LNP1: variants seen among roughly 807,000 people sequenced by gnomAD.
The protein encoded by LNP1 is leukemia NUP98 fusion partner 1.
In LNP1, 12 loss-of-function variants were observed where a neutral mutation model predicts 14.5. That is an observed-to-expected ratio of 0.83 (90% CI 0.53 to 1.34). LNP1 has a LOEUF of 1.34. Among genes scored for constraint, LNP1 ranks in the 40% most tolerant of loss-of-function variants. LNP1 has a pLI of 0.00. For synonymous variants in LNP1, 75 were observed against 71.4 expected (o/e 1.05, Z -0.26); for missense variants, 198 against 210.9 (o/e 0.94, Z 0.38).
At chr3:100,415,905 A>G (rs1365048851) in intron 1 of LNP1, among the ~76,000 whole-genome samples, 4 of 152,200 alleles carry the variant, frequency 2.6e-5, no homozygotes, top group Admixed American at 2.6e-4. Context: ...ACTATCAACA[A>G]TAGTTTACTT....
chr3:100,413,060 C>T (rs1487277763), intron 1 of LNP1, among the ~76,000 whole-genome samples: 1 of 152,222 alleles, frequency 6.6e-6, no homozygotes, highest in Non-Finnish European at 1.5e-5. Context: ...CCAATTGCTC[C>T]TGCTGCTGCA....
At chr3:100,431,620 A>G (rs1026439074) in intron 2 of LNP1, among the ~76,000 whole-genome samples, 2 of 152,128 alleles carry the variant, frequency 1.3e-5, no homozygotes, top group Non-Finnish European at 2.9e-5. Flanking sequence ...CTAATTCTTC[A>G]TTCTTTGTCT....
intron 1 of LNP1, among the ~76,000 whole-genome samples, chr3:100,423,866 A>G (rs1707168612): frequency 6.6e-6 from 1 of 152,108 alleles, no homozygotes; most frequent in Admixed American, 6.6e-5. Flanking sequence ...GCATCTCCTC[A>G]AGGCAGGTGC....
chr3:100,411,782 C>T (rs561903234), intron 1 of LNP1, among the ~76,000 whole-genome samples: 3 of 151,992 alleles, frequency 2.0e-5, no homozygotes, highest in Non-Finnish European at 2.9e-5. Flanking sequence ...AAGGCCCCAC[C>T]CTCATAATCT....
chr3:100,408,230 A>G (rs1706990001), intron 1 of LNP1, among the ~76,000 whole-genome samples: 1 of 152,212 alleles, frequency 6.6e-6, no homozygotes, highest in Non-Finnish European at 1.5e-5. Flanking sequence ...TTGTCTGGGA[A>G]CATCCTCTAA....
intron 1 of LNP1, among the ~76,000 whole-genome samples, chr3:100,416,733 TA>T (rs756390323): frequency 2.7e-4 from 26 of 97,850 alleles, no homozygotes; most frequent in South Asian, 3.3e-4. Context: ...TTTTTTTTTT[TA>T]CATTAAGTTC....
At chr3:100,451,680 TC>T (rs2148908640) in intron 2 of LNP1, 38 bp from the exon 3 acceptor site, 1 of 706,852 alleles carries the variant, frequency 1.4e-6, no homozygotes, top group East Asian at 9.2e-5. Flanking sequence ...CATTGCACAG[TC>T]CTTTTATACT....
At chr3:100,434,510 T>A (rs1476557303) in intron 2 of LNP1, among the ~76,000 whole-genome samples, 1 of 152,028 alleles carries the variant, frequency 6.6e-6, no homozygotes, top group Non-Finnish European at 1.5e-5. Flanking sequence ...GGTAGTGTGA[T>A]GCCTCCTTTT....
At chr3:100,421,713 C>A (rs1431257443) in intron 1 of LNP1, among the ~76,000 whole-genome samples, 1 of 152,124 alleles carries the variant, frequency 6.6e-6, no homozygotes, top group Non-Finnish European at 1.5e-5. Context: ...AGAGAAATTT[C>A]TGGGTCAAAG....
chr3:100,431,162 A>G lies in LNP1; in HGVS notation c.156+1277A>G, dbSNP rs1424240168. 2.0e-5 allele frequency among the ~76,000 whole-genome samples: 3 copies of G among 152,366 alleles called. No individual in the cohort carries two copies. In the East Asian group the frequency reaches 5.8e-4, roughly 29 times the overall value. ...ACAAAAACAAAAACTGTAATTTACT[A>G]TTTATGACAATGGCCTCTTGAAGCC... On this transcript the variant is annotated intron_variant, in intron 2 of 3. Transcript: ENST00000383693.
At chr3:100,425,557 G>T (rs1304732296) in intron 1 of LNP1, among the ~76,000 whole-genome samples, 1 of 152,166 alleles carries the variant, frequency 6.6e-6, no homozygotes. Context: ...CTCCCCAGGT[G>T]CCGGGTTTTT....
At chr3:100,414,350 C>T (rs1360322973) in intron 1 of LNP1, among the ~76,000 whole-genome samples, 1 of 152,022 alleles carries the variant, frequency 6.6e-6, no homozygotes, top group Non-Finnish European at 1.5e-5. Context: ...AGGTTGAGAC[C>T]AGCCTGGACA....
intron 2 of LNP1, among the ~76,000 whole-genome samples, chr3:100,437,905 C>A (rs1707306311): frequency 6.6e-6 from 1 of 152,204 alleles, no homozygotes; most frequent in Non-Finnish European, 1.5e-5. Flanking sequence ...AGGCATGTCA[C>A]TTTATCTCTC....
rs185656290 is a variant in LNP1, at chr3:100,435,640, G to A, written c.156+5755G>A. On this transcript the variant is annotated intron_variant, in intron 2 of 3. Coordinates refer to ENST00000383693, the MANE Select transcript of LNP1 (RefSeq NM_001085451.2). Reference sequence around the variant, plus strand: ...GGAAGCATAGCCTCCAGAAAGACTGGAGACAGGCACTTCAAAGGAGGAGGG... The same window carrying A: ...GGAAGCATAGCCTCCAGAAAGACTGAAGACAGGCACTTCAAAGGAGGAGGG... Among the ~76,000 whole-genome samples the A allele has an allele frequency of 3.3e-5, 5 of 152,278 alleles. No individual in the cohort carries two copies. In the East Asian group the frequency reaches 9.7e-4, roughly 29 times the overall value.
chr3:100,446,769 C>T (rs1029466310), intron 2 of LNP1, among the ~76,000 whole-genome samples: 3 of 152,156 alleles, frequency 2.0e-5, no homozygotes, highest in African/African-American at 4.8e-5. Context: ...AATCCAACAA[C>T]CCCATCAAAA....
At chr3:100,431,967 C>A (rs1707245573) in intron 2 of LNP1, among the ~76,000 whole-genome samples, 1 of 127,908 alleles carries the variant, frequency 7.8e-6, no homozygotes, top group Non-Finnish European at 1.6e-5. Context: ...TGCTTTCCAA[C>A]CTGGGTAACA....
chr3:100,418,670 G>A (rs746340064), intron 1 of LNP1, among the ~76,000 whole-genome samples: 6 of 152,170 alleles, frequency 3.9e-5, no homozygotes, highest in Non-Finnish European at 8.8e-5. Flanking sequence ...TGTGCTGGCT[G>A]TGTTCCCCAT....
chr3:100,406,339 T>C (rs1238848772), intron 1 of LNP1, among the ~76,000 whole-genome samples: 1 of 151,258 alleles, frequency 6.6e-6, no homozygotes, highest in Non-Finnish European at 1.5e-5. Context: ...AATAAAAAAA[T>C]AGTGTGATCC....
chr3:100,410,098 C>T (rs957014770), intron 1 of LNP1, among the ~76,000 whole-genome samples: 2 of 151,910 alleles, frequency 1.3e-5, no homozygotes, highest in Non-Finnish European at 2.9e-5. Context: ...AGAAAAATAC[C>T]TAAACAAATG....
Sources: gnomAD v4.1 joint callset for allele counts (sites outside exome capture counted in the v4.1 genomes callset) on GRCh38, gnomAD v4.1.1 for gene constraint, MANE v1.5 for transcripts, NCBI Gene and HGNC (gene_info 2026-07-23, HGNC 2026-07-21) for gene names.